ZC3H3: variants seen among roughly 807,000 people sequenced by gnomAD.
The protein encoded by ZC3H3 is zinc finger CCCH-type containing 3, also known as zinc finger CCCH domain-containing protein 3.
ZC3H3 carries 36 observed loss-of-function variants against 77.3 expected under a neutral mutation model. That is an observed-to-expected ratio of 0.47 (90% CI 0.36 to 0.61). ZC3H3 has a LOEUF of 0.61. ZC3H3 is among the 20% of genes least tolerant of loss of function. The pLI is 0.00. For missense variants in ZC3H3, 1,331 were observed against 1,312.2 expected, an observed-to-expected ratio of 1.01 and a Z score of -0.22; for synonymous variants, 626 against 555.2, an observed-to-expected ratio of 1.13 and a Z score of -1.79.
chr8:143,469,584 G>A (rs966631569), intron 5 of ZC3H3, among the ~76,000 whole-genome samples: 1 of 152,228 alleles, frequency 6.6e-6, no homozygotes, highest in Non-Finnish European at 1.5e-5. Flanking sequence ...ACCACGGCCT[G>A]GGAGGGCGGC....
chr8:143,476,775 C>T (rs1245390984), intron 4 of ZC3H3, among the ~76,000 whole-genome samples: 3 of 152,228 alleles, frequency 2.0e-5, no homozygotes, highest in Non-Finnish European at 4.4e-5. Flanking sequence ...AGGGCTGTGC[C>T]CCTGCTCTAC....
intron 4 of ZC3H3, among the ~76,000 whole-genome samples, chr8:143,499,347 G>C (rs1238336571): frequency 6.6e-6 from 1 of 152,102 alleles, no homozygotes; most frequent in Non-Finnish European, 1.5e-5. Context: ...CGGGAAGGCA[G>C]TGGCAAGGGC....
intron 9 of ZC3H3, among the ~76,000 whole-genome samples, chr8:143,447,026 A>C (rs901757): frequency 0.41 from 62,883 of 152,176 alleles, 13,294 homozygotes; most frequent in African/African-American, 0.48. Context: ...CGGAGCTGAC[A>C]TGAAGGGCAC....
intron 4 of ZC3H3, among the ~76,000 whole-genome samples, chr8:143,501,392 T>C (rs1821521033): frequency 1.3e-5 from 2 of 151,434 alleles, no homozygotes; most frequent in Non-Finnish European, 2.9e-5. Context: ...TTTGTAGACA[T>C]GGGGTCTCAC....
At chr8:143,529,491 C>T (rs1297535215) in intron 3 of ZC3H3, among the ~76,000 whole-genome samples, 1 of 152,192 alleles carries the variant, frequency 6.6e-6, no homozygotes, top group African/African-American at 2.4e-5. Flanking sequence ...CAGGAGGGCC[C>T]CAGGGACCTC....
At chr8:143,512,296 A>G (rs1468062596) in intron 3 of ZC3H3, among the ~76,000 whole-genome samples, 2 of 152,186 alleles carry the variant, frequency 1.3e-5, no homozygotes, top group Admixed American at 1.3e-4. Context: ...TTCTTTGTAC[A>G]CTGCCTGATC....
At position 143,507,832 on chromosome 8, in the gene ZC3H3, G is replaced by A. The variant is rs749927580; in HGVS notation, c.1629C>T (p.Val543=). The change falls in exon 4 of 12, where the codon GTC becomes GTT. Residue 543 remains valine (V), a synonymous_variant. Transcript: ENST00000262577. ...TGAGAGGCGAGGCCGGCGTCTTCTTGACAATGCGGTAGCGGGTCTTGATCA... is the reference window on the plus strand; with the variant it reads ...TGAGAGGCGAGGCCGGCGTCTTCTTAACAATGCGGTAGCGGGTCTTGATCA... ...SKVIKTRYRI[V]KKTPASPLSA... is the part of the protein sequence containing the mutation. 1 of 1,610,272 alleles carries A rather than the reference G, an allele frequency of 6.2e-7. No individual in the cohort carries two copies. Among genetic ancestry groups the A allele is most frequent in the South Asian group, 1.1e-5 (1 of 90,844 alleles).
chr8:143,482,022 C>T (rs1007926697), intron 4 of ZC3H3, among the ~76,000 whole-genome samples: 5 of 152,246 alleles, frequency 3.3e-5, no homozygotes, highest in Non-Finnish European at 7.3e-5. Flanking sequence ...GAAAGCTGCA[C>T]ATTTGATCAA....
intron 4 of ZC3H3, among the ~76,000 whole-genome samples, chr8:143,486,436 T>G (rs952844908): frequency 2.0e-5 from 3 of 152,238 alleles, no homozygotes; most frequent in African/African-American, 4.8e-5. Flanking sequence ...TCTGGGCATG[T>G]GCCCCTGGTG....
At chr8:143,512,651 G>C (rs537570046) in intron 3 of ZC3H3, among the ~76,000 whole-genome samples, 1 of 152,158 alleles carries the variant, frequency 6.6e-6, no homozygotes, top group Admixed American at 6.5e-5. Context: ...GAGTTCACCC[G>C]GCCCCCGGAC....
At chr8:143,472,274 T>TGGGCCAAGGGAA in intron 5 of ZC3H3, among the ~76,000 whole-genome samples, 1 of 152,246 alleles carries the variant, frequency 6.6e-6, no homozygotes. Flanking sequence ...CTGATGGCTC[T>TGGGCCAAGGGAA]GGGCCAAGGG....
chr8:143,498,627 C>T (rs1464542697), intron 4 of ZC3H3, among the ~76,000 whole-genome samples: 1 of 151,924 alleles, frequency 6.6e-6, no homozygotes, highest in East Asian at 1.9e-4. Flanking sequence ...CGTGTTCTGC[C>T]CACTCACCAC....
chr8:143,448,958 C>T (rs1586875474), intron 9 of ZC3H3, among the ~76,000 whole-genome samples: 1 of 152,246 alleles, frequency 6.6e-6, no homozygotes, highest in African/African-American at 2.4e-5. Flanking sequence ...GCTTCCAAGG[C>T]TTACTATGGT....
intron 9 of ZC3H3, among the ~76,000 whole-genome samples, chr8:143,453,451 T>C (rs1348006237): frequency 6.6e-6 from 1 of 152,066 alleles, no homozygotes; most frequent in Non-Finnish European, 1.5e-5. Context: ...CTAGACACCA[T>C]GGAGGACATA....
rs2980265 is a variant in ZC3H3 at position 143,494,501 on chromosome 8, T to C, written c.1715+13245A>G. Among the ~76,000 whole-genome samples the C allele has an allele frequency of 0.028, 4,258 of 152,138 alleles. 179 individuals are homozygous for C. Among genetic ancestry groups the C allele is most frequent in the African/African-American group, 0.097 (4,005 of 41,472 alleles). On this transcript the variant is annotated intron_variant, in intron 4 of 11. Coordinates refer to ENST00000262577, the MANE Select transcript of ZC3H3 (RefSeq NM_015117.3). The surrounding 1 kb of genome is among the most constrained non-coding windows in gnomAD (Gnocchi z 5.3). ...CAGTGCAGGAGCCTGTGGCCACCCC[T>C]GCCAACAGGCCCACACAAGGCCCGG...
At chr8:143,500,748 G>A (rs1280617532) in intron 4 of ZC3H3, among the ~76,000 whole-genome samples, 1 of 151,944 alleles carries the variant, frequency 6.6e-6, no homozygotes, top group African/African-American at 2.4e-5. Context: ...CCCATCCACA[G>A]GGGTGGAAGC....
intron 3 of ZC3H3, among the ~76,000 whole-genome samples, chr8:143,515,408 C>A (rs753406174): frequency 6.6e-6 from 1 of 152,268 alleles, no homozygotes; most frequent in Non-Finnish European, 1.5e-5. Context: ...GCCAGTCATG[C>A]GTGACATCAG....
rs1205438225 is a variant in ZC3H3, at chr8:143,482,196, C to T, written c.1716-6611G>A. ...GGGAAGTTCTGGTTTCTGGAAAGCA[C>T]TGTGCTCCCTCCTGGCGCCAGGTCT... is the stretch of plus-strand genomic sequence containing the variant. On this transcript the variant is annotated intron_variant, in intron 4 of 11. Transcript: ENST00000262577. 2.0e-5 allele frequency among the ~76,000 whole-genome samples: 3 copies of T among 152,258 alleles called. No individual in the cohort carries two copies. In the East Asian group the frequency reaches 5.8e-4, roughly 29 times the overall value.
rs780642924 is a variant in ZC3H3, at chr8:143,538,846, G to A, written c.521C>T (p.Ser174Leu). The A allele has an allele frequency of 4.5e-5, 73 of 1,612,104 alleles. No individual in the cohort carries two copies. The highest frequency in any genetic ancestry group is 1.6e-4 in the Middle Eastern group (1 of 6,084). Residue 174 changes from serine (S) to leucine (L), a missense_variant, in exon 2 of 12, where the codon TCG becomes TTG. By Grantham distance (145) the Ser-to-Leu change is moderately radical (BLOSUM62 -2). Coordinates refer to ENST00000262577, the MANE Select transcript of ZC3H3 (RefSeq NM_015117.3). ...GEPPRGQLQP[S>L]RPTRARGTCS... is the part of the protein sequence containing the mutation. ...GGTCCCCCTGGCTCTTGTTGGCCTCGAGGGCTGCAGCTGTCCCCGAGGGGG... is the reference window on the plus strand; with the variant it reads ...GGTCCCCCTGGCTCTTGTTGGCCTCAAGGGCTGCAGCTGTCCCCGAGGGGG...
Sources: gnomAD v4.1 joint callset for allele counts (sites outside exome capture counted in the v4.1 genomes callset) on GRCh38, gnomAD v4.1.1 for gene constraint, Gnocchi (gnomAD v3.1) non-coding constraint, MANE v1.5 for transcripts, NCBI Gene and HGNC (gene_info 2026-07-23, HGNC 2026-07-21) for gene names.